SPOCD1: variants seen among roughly 807,000 people sequenced by gnomAD.
The protein encoded by SPOCD1 is SPOC domain-containing protein 1.
A neutral mutation model predicts 92.2 loss-of-function variants in SPOCD1; 64 were observed. That is an observed-to-expected ratio of 0.69 (90% confidence interval 0.57 to 0.86). SPOCD1 has a LOEUF of 0.86. Ranked by LOEUF, SPOCD1 falls within the 40% of genes least tolerant of loss-of-function variation. SPOCD1 has a pLI of 0.00. For synonymous variants in SPOCD1, 578 were observed against 619.3 expected (o/e 0.93, Z 0.99); for missense variants, 1,360 against 1,543.1 (o/e 0.88, Z 1.99).
At position 31,792,696 on chromosome 1, in the gene SPOCD1, G is replaced by C; in HGVS notation, c.2757C>G (p.Ile919Met). The change falls in exon 14 of 16, where the codon ATC (isoleucine) becomes ATG (methionine). Residue 919 changes from isoleucine to methionine, a missense_variant. Around this residue, in one of 3 missense-constraint regions of SPOCD1, gnomAD observed 614 missense variants for 757.8 expected, o/e 0.81. Transcript: ENST00000360482. Reference protein sequence around the residue: ...SNIVWDLLASICPAKAKDVCV... With the variant: ...SNIVWDLLASMCPAKAKDVCV... The stretch of plus-strand genomic sequence containing the variant: ...CAGGTACCTTGGCCTTGGCTGGGCA[G>C]ATGCTGGCCAGAAGGTCCCAGACAA... The C allele has an allele frequency of 6.2e-7, 1 of 1,604,784 alleles. No individual in the cohort carries two copies. The highest frequency in any genetic ancestry group is 8.5e-7 in the Non-Finnish European group (1 of 1,176,138).
chr1:31,806,172 A>G (rs1384121696), intron 2 of SPOCD1, among the ~76,000 whole-genome samples: 2 of 152,188 alleles, frequency 1.3e-5, no homozygotes, highest in Middle Eastern at 3.4e-3. Context: ...AAAATTTCAT[A>G]TATCTCTCTA....
At position 31,809,017 on chromosome 1, in the gene SPOCD1, C is replaced by T. The variant is rs151147387; in HGVS notation, c.1383+4934G>A. The stretch of plus-strand genomic sequence containing the variant: ...CAGCCTGACCAATATGGTGAAACTC[C>T]GTCTCTACTAAAAATACACAAATTA... On this transcript the variant is annotated intron_variant, in intron 2 of 15. Coordinates refer to ENST00000360482, the MANE Select transcript of SPOCD1 (RefSeq NM_144569.7). Among the ~76,000 whole-genome samples the T allele has an allele frequency of 3.4e-3, 512 of 152,050 alleles. 5 individuals carry two copies. The highest frequency in any genetic ancestry group is 0.012 in the African/African-American group (490 of 41,462).
At chr1:31,792,116 T>G in intron 15 of SPOCD1, 99 bp downstream of exon 15, 13 of 1,364,426 alleles carry the variant, frequency 9.5e-6, no homozygotes, top group Non-Finnish European at 1.3e-5. Flanking sequence ...AGTTCCCTTC[T>G]GAGATGTGCC....
chr1:31,813,606 C>T (rs1018553709), intron 2 of SPOCD1, among the ~76,000 whole-genome samples: 7 of 152,010 alleles, frequency 4.6e-5, no homozygotes, highest in Admixed American at 3.3e-4. Context: ...ATCCTTGAAA[C>T]AACCCCATGA....
intron 10 of SPOCD1, chr1:31,796,199 T>C: frequency 3.0e-6 from 1 of 331,244 alleles, no homozygotes; most frequent in Non-Finnish European, 5.9e-6. Flanking sequence ...CCTAAACCAA[T>C]CCACTGAATA....
At chr1:31,797,802 C>T (rs1030730322) in intron 9 of SPOCD1, among the ~76,000 whole-genome samples, 2 of 152,196 alleles carry the variant, frequency 1.3e-5, no homozygotes, top group African/African-American at 2.4e-5. Context: ...AACCCAGGGG[C>T]TATGGGGCCC....
At chr1:31,793,484 G>C in intron 12 of SPOCD1, 56 bp from the exon 13 acceptor site, 4 of 1,544,898 alleles carry the variant, frequency 2.6e-6, no homozygotes, top group Non-Finnish European at 3.5e-6. Context: ...GGACTTCCCC[G>C]GCACCTCCTT....
In SPOCD1 at chr1:31,814,177, G is replaced by C. The variant is rs764967691; in HGVS notation, c.1157C>G (p.Thr386Ser). ...CAAGGGCTCCCGGGAGCTGGCACAG[G>C]TGTCAGCGGGGGCAGCGAGTCCTTG... is the stretch of plus-strand genomic sequence containing the variant. ...LEQGLAAPAD[T>S]CASSREPLGG... Residue 386 changes from threonine (T) to serine (S), a missense_variant, in exon 2 of 16, where the codon ACC becomes AGC. Thr to Ser is a moderately conservative substitution (Grantham distance 58). Transcript: ENST00000360482. The surrounding 1 kb of genome is among the most constrained non-coding windows in gnomAD (Gnocchi z 4.2). The C allele has an allele frequency of 1.9e-6, 3 of 1,576,312 alleles. No individual in the cohort carries two copies.
At chr1:31,815,652 A>C (rs1649513770) in intron 1 of SPOCD1, 1 of 266,196 alleles carries the variant, frequency 3.8e-6, no homozygotes, top group South Asian at 1.6e-4. Context: ...ACCTAATAAG[A>C]TACCATTTAT....
intron 2 of SPOCD1, among the ~76,000 whole-genome samples, chr1:31,807,554 A>C (rs1047632652): frequency 2.0e-5 from 3 of 151,364 alleles, no homozygotes; most frequent in African/African-American, 7.3e-5. Context: ...CAAAAGCGAT[A>C]ATTAAAAGGT....
chr1:31,815,123 G>C lies in SPOCD1; in HGVS notation c.211C>G (p.Arg71Gly), dbSNP rs112754928. The C allele has an allele frequency of 1.2e-6, 2 of 1,609,480 alleles. No homozygotes were observed. Among genetic ancestry groups the C allele is most frequent in the East Asian group, 2.2e-5 (1 of 44,698 alleles). ...CGGACCTCAGCAGCACCTGCAGCCCGGGAGCTGCCACCTCGAAGGGCCTCC... is the reference window on the plus strand; with the variant it reads ...CGGACCTCAGCAGCACCTGCAGCCCCGGAGCTGCCACCTCGAAGGGCCTCC... The part of the protein sequence containing the change: ...RKEALRGGSS[R>G]AAGAAEVRPG... The change falls in exon 2 of 16, where the codon CGG (arginine) becomes GGG (glycine). Residue 71 changes from arginine (R) to glycine (G), a missense_variant. Arg to Gly is a moderately radical substitution (Grantham distance 125). Around this residue, in one of 3 missense-constraint regions of SPOCD1, gnomAD observed 140 missense variants for 183.8 expected, o/e 0.76. Coordinates refer to ENST00000360482, the MANE Select transcript of SPOCD1 (RefSeq NM_144569.7).
In SPOCD1 at chr1:31,798,871, C is replaced by G. The variant is rs531003247; in HGVS notation, c.1869-270G>C. Reference sequence around the variant, plus strand: ...TTAGTGGCAAAAGCAAGATTTGAAACTCGACTGTCTGACTCACCAGCCTGT... The same window carrying G: ...TTAGTGGCAAAAGCAAGATTTGAAAGTCGACTGTCTGACTCACCAGCCTGT... On this transcript the variant is annotated intron_variant, in intron 7 of 15. Transcript: ENST00000360482. The surrounding 1 kb of genome is among the most constrained non-coding windows in gnomAD (Gnocchi z 4.1). 2 of 573,830 alleles carry G rather than the reference C, an allele frequency of 3.5e-6. No individual in the cohort carries two copies. Among genetic ancestry groups the G allele is most frequent in the East Asian group, 5.9e-5 (2 of 34,118 alleles). 35.5% of individuals were successfully genotyped at this position (573,830 alleles called of 1,614,324 possible).
In SPOCD1 at chr1:31,799,368, G is replaced by A. The variant is rs765548379; in HGVS notation, c.1868+33C>T. ...GCGGGGGCATGTGAGGGCGGCCCTT[G>A]GGATGTCAGGGGAGTGGGGAGCAAG... On this transcript the variant is annotated intron_variant, in intron 7 of 15. Coordinates refer to ENST00000360482, the MANE Select transcript of SPOCD1 (RefSeq NM_144569.7). 4.4e-6 allele frequency: 7 copies of A among 1,576,024 alleles called. No individual in the cohort carries two copies. The East Asian group carries it at 1.4e-4, about 31-fold the overall frequency.
At chr1:31,792,502 T>C (rs1647674569) in intron 14 of SPOCD1, 101 bp from the exon 15 acceptor site, 3 of 1,330,648 alleles carry the variant, frequency 2.3e-6, no homozygotes, top group African/African-American at 1.5e-5. Context: ...TGAGAAAGTA[T>C]GTCTCCATCT....
At chr1:31,796,421 C>T in intron 10 of SPOCD1, 169 bp downstream of exon 10, 1 of 1,065,600 alleles carries the variant, frequency 9.4e-7, no homozygotes. Context: ...CAGCACTGTC[C>T]CACCCCATGT....
Position 31,798,684 on chromosome 1 carries a change from G to GC in SPOCD1, c.1869-84dup. On this transcript the variant is annotated intron_variant, in intron 7 of 15. Transcript: ENST00000360482. The surrounding 1 kb of genome is among the most constrained non-coding windows in gnomAD (Gnocchi z 4.1). The stretch of plus-strand genomic sequence containing the variant: ...GTCCCAGAGGGAGGCAGCTGGGTGG[G>GC]CGGCAGGGTCTGGGCCAACTTGTTC... The GC allele has an allele frequency of 6.7e-7, 1 of 1,503,084 alleles. No homozygotes were observed. The allele number at this position is 1,503,084 out of a possible 1,614,324, so 93.1% of individuals were successfully genotyped here.
At chr1:31,794,490 T>A (rs1356573443) in intron 10 of SPOCD1, 1 of 273,280 alleles carries the variant, frequency 3.7e-6, no homozygotes, top group Non-Finnish European at 6.6e-6. Context: ...CTTTTTCTTT[T>A]TTTTTCTTTT....
Position 31,798,688 on chromosome 1 carries a change from C to A in SPOCD1, c.1869-87G>T. 6.7e-7 allele frequency: 1 copy of A among 1,485,630 alleles called. No individual in the cohort carries two copies. The allele number at this position is 1,485,630 out of a possible 1,614,324, so 92.0% of individuals were successfully genotyped here. A position where few individuals can be genotyped will look rare whatever the true frequency, so the allele number is the denominator to read the frequency against. The stretch of plus-strand genomic sequence containing the variant: ...CAGAGGGAGGCAGCTGGGTGGGCGG[C>A]AGGGTCTGGGCCAACTTGTTCCTGT... On this transcript the variant is annotated intron_variant, in intron 7 of 15. Transcript: ENST00000360482. The surrounding 1 kb of genome is among the most constrained non-coding windows in gnomAD (Gnocchi z 4.1).
At chr1:31,807,805 T>C (rs536939940) in intron 2 of SPOCD1, among the ~76,000 whole-genome samples, 2 of 152,256 alleles carry the variant, frequency 1.3e-5, no homozygotes, top group East Asian at 3.9e-4. Context: ...ATTTGGAATG[T>C]ATAATTACAA....
Sources: allele counts gnomAD v4.1 joint callset (sites outside exome capture counted in the v4.1 genomes callset), GRCh38; gene constraint gnomAD v4.1.1; regional missense constraint gnomAD v4.1.1; non-coding constraint Gnocchi (gnomAD v3.1); transcripts MANE v1.5; gene names NCBI Gene and HGNC (gene_info 2026-07-23, HGNC 2026-07-21).